Variants in DMD observed in about 807,000 individuals in gnomAD.
DMD encodes dystrophin.
A neutral mutation model predicts 330.1 loss-of-function variants in DMD; 63 were observed. The ratio of observed to expected loss-of-function variants is 0.19; its 90% confidence interval spans 0.16 to 0.24. The LOEUF (loss-of-function observed/expected upper bound fraction) is 0.24. Among genes scored for constraint, DMD ranks in the 10% least tolerant of loss-of-function variants. The pLI, the probability that DMD is intolerant of heterozygous loss-of-function variation, is 1.00. For missense variants in DMD, 3,344 were observed against 2,684.1 expected (o/e 1.25, Z -5.43); for synonymous variants, 1,223 against 959.8 (o/e 1.27, Z -5.07).
At chrX:31,903,030 TTATC>T (rs1373987218) in intron 47 of DMD, among the ~76,000 whole-genome samples, 1 of 111,539 alleles carries the variant, frequency 9.0e-6, no homozygotes, top group Non-Finnish European at 1.9e-5. Flanking sequence ...TTGCCATTGT[TTATC>T]TAGAACAATG....
chrX:32,398,272 C>A (rs755770539), intron 30 of DMD, among the ~76,000 whole-genome samples: 19 of 99,452 alleles, frequency 1.9e-4, no homozygotes, highest in African/African-American at 4.2e-4. Flanking sequence ...AACCCCCCCC[C>A]CCAAGTAGAG....
At chrX:33,050,324 G>T (rs1169877189) in intron 1 of DMD, among the ~76,000 whole-genome samples, 2 of 111,432 alleles carry the variant, frequency 1.8e-5, no homozygotes, top group Non-Finnish European at 3.8e-5. Context: ...ACTAATTCAA[G>T]GAATTAAAAG....
At chrX:32,131,258 C>G (rs1352633249) in intron 44 of DMD, among the ~76,000 whole-genome samples, 2 of 111,749 alleles carry the variant, frequency 1.8e-5, no homozygotes, top group Non-Finnish European at 3.8e-5. Context: ...ATATAAGATC[C>G]TTGAGAGTAA....
At chrX:32,492,242 G>T (rs988072383) in intron 19 of DMD, among the ~76,000 whole-genome samples, 1 of 111,778 alleles carries the variant, frequency 8.9e-6, no homozygotes, top group Admixed American at 9.5e-5. Flanking sequence ...GGAGGCTGAG[G>T]CAGGAGAATG....
At chrX:33,053,325 G>A (rs1325228962) in intron 1 of DMD, among the ~76,000 whole-genome samples, 1 of 111,484 alleles carries the variant, frequency 9.0e-6, no homozygotes, top group African/African-American at 3.3e-5. Flanking sequence ...GCCGGGCGCG[G>A]TGGCTCATGC....
At chrX:31,531,886 C>A in intron 55 of DMD, among the ~76,000 whole-genome samples, 1 of 90,542 alleles carries the variant, frequency 1.1e-5, no homozygotes, top group East Asian at 3.6e-4. Context: ...AGGGTATCAG[C>A]AATGGAAGAT....
intron 50 of DMD, among the ~76,000 whole-genome samples, chrX:31,779,926 T>G (rs189812429): frequency 8.9e-6 from 1 of 112,110 alleles, no homozygotes; most frequent in African/African-American, 3.2e-5. Flanking sequence ...ACCAGAATGG[T>G]AGCATGAATA....
intron 1 of DMD, among the ~76,000 whole-genome samples, chrX:33,280,353 AT>A (rs755818284): frequency 4.5e-5 from 5 of 112,121 alleles, no homozygotes; most frequent in Non-Finnish European, 7.5e-5. Context: ...CTTTATCAAA[AT>A]TTCCTTTTAT....
At chrX:32,686,578 AAAAAGAAAAG>A (rs1209272291) in intron 9 of DMD, among the ~76,000 whole-genome samples, 3 of 105,638 alleles carry the variant, frequency 2.8e-5, no homozygotes, top group Non-Finnish European at 5.8e-5. Context: ...AAAAAAAAAA[AAAAAGAAAAG>A]AAAAGAAAAG....
intron 21 of DMD, among the ~76,000 whole-genome samples, chrX:32,473,978 C>A (rs747399113): frequency 9.1e-6 from 1 of 109,782 alleles, no homozygotes; most frequent in Non-Finnish European, 1.9e-5. Context: ...TTTTCTCTCT[C>A]CCCCCAACCT....
chrX:33,139,187 A>T (rs2047666198), intron 1 of DMD, among the ~76,000 whole-genome samples: 1 of 111,148 alleles, frequency 9.0e-6, no homozygotes, highest in South Asian at 3.8e-4. Context: ...AGTCCTAGCT[A>T]CTGGGGAAGC....
chrX:32,816,077 G>T (rs1266821469), intron 6 of DMD, among the ~76,000 whole-genome samples: 3 of 110,951 alleles, frequency 2.7e-5, no homozygotes, highest in Non-Finnish European at 5.7e-5. Context: ...ACTCACATGA[G>T]ATCTAGTATC....
At chrX:32,911,475 T>C (rs370828959) in intron 2 of DMD, among the ~76,000 whole-genome samples, 111 of 112,263 alleles carry the variant, frequency 9.9e-4, no homozygotes, top group East Asian at 8.1e-3. Flanking sequence ...CTGAGGTAAA[T>C]TGTGTACTAC....
chrX:31,225,000 A>T (rs1428216476), intron 63 of DMD, among the ~76,000 whole-genome samples: 1 of 112,436 alleles, frequency 8.9e-6, no homozygotes, highest in African/African-American at 3.2e-5. Flanking sequence ...CTGACCTCAA[A>T]GGAACACAAG....
chrX:32,389,802 T>A, intron 31 of DMD, 128 bp from the exon 32 acceptor site: 2 of 681,818 alleles, frequency 2.9e-6, no homozygotes, highest in Non-Finnish European at 4.4e-6. Context: ...AATAAAGCAG[T>A]ATTTTTCCAT....
chrX:32,925,324 C>T (rs894566644), intron 2 of DMD, among the ~76,000 whole-genome samples: 3 of 109,781 alleles, frequency 2.7e-5, no homozygotes, highest in Non-Finnish European at 5.7e-5. Flanking sequence ...TTTAAAACCA[C>T]AACATTGTAT....
At chrX:32,097,533 A>C (rs985152321) in intron 44 of DMD, among the ~76,000 whole-genome samples, 1 of 111,542 alleles carries the variant, frequency 9.0e-6, no homozygotes, top group African/African-American at 3.3e-5. Flanking sequence ...ACATATATAA[A>C]GATCACTTTC....
chrX:31,345,760 C>G (rs963814448), intron 61 of DMD, among the ~76,000 whole-genome samples: 2 of 111,737 alleles, frequency 1.8e-5, no homozygotes, highest in African/African-American at 6.5e-5. Context: ...AAGCCACGAT[C>G]CCACTCATTT....
chrX:31,449,698 G>A (rs2065549186), intron 59 of DMD, among the ~76,000 whole-genome samples: 1 of 102,662 alleles, frequency 9.7e-6, no homozygotes, highest in African/African-American at 3.5e-5. Flanking sequence ...AGAGAGGGGA[G>A]ACTCTGGGAT....
Sources: allele counts gnomAD v4.1 joint callset (sites outside exome capture counted in the v4.1 genomes callset), GRCh38; gene constraint gnomAD v4.1.1; transcripts MANE v1.5; gene names NCBI Gene and HGNC (gene_info 2026-07-23, HGNC 2026-07-21).